TMEM114: variants seen among roughly 807,000 people sequenced by gnomAD.
TMEM114 encodes the protein claudin-26.
Under a neutral mutation model 6.2 loss-of-function variants are expected in TMEM114, and 6 were observed. The observed-to-expected ratio is 0.97, with a 90% confidence interval of 0.53 to 1.91. TMEM114 has a LOEUF of 1.91. Ranked by LOEUF, TMEM114 falls within the 40% of genes most tolerant of loss-of-function variation. TMEM114 has a pLI of 0.01. For missense variants in TMEM114, 218 were observed against 158.3 expected (o/e 1.38, Z -2.02); for synonymous variants, 104 against 73.0 (o/e 1.42, Z -2.16).
intron 2 of TMEM114, among the ~76,000 whole-genome samples, chr16:8,562,526 T>TGAGTGAGTGAGGGAATGAGTGAGTGAGTG (rs1465142445): frequency 7.9e-6 from 1 of 127,136 alleles, no homozygotes; most frequent in African/African-American, 3.0e-5. Flanking sequence ...ATGAGTGAGT[T>TGAGTGAGTGAGGGAATGAGTGAGTGAGTG]AATGAGTGAG....
chr16:8,566,897 G>GTTTTTTT (rs71150402), downstream of TMEM114, among the ~76,000 whole-genome samples: 1 of 98,316 alleles, frequency 1.0e-5, no homozygotes, highest in African/African-American at 4.1e-5. Context: ...CATCACCCTG[G>GTTTTTTT]TTTTTTTTTT....
downstream of TMEM114, among the ~76,000 whole-genome samples, chr16:8,568,964 AG>A (rs1342784753): frequency 6.6e-6 from 1 of 152,248 alleles, no homozygotes; most frequent in Non-Finnish European, 1.5e-5. Context: ...CTGGGCCAGA[AG>A]CCTCGGCATC....
intron 2 of TMEM114, among the ~76,000 whole-genome samples, chr16:8,548,773 TG>T (rs1900751967): frequency 6.6e-6 from 1 of 151,592 alleles, no homozygotes; most frequent in Non-Finnish European, 1.5e-5. Context: ...AATGACCATG[TG>T]AAATATTTCA....
chr16:8,585,179 A>G (rs1184167528), intron 2 of TMEM114, among the ~76,000 whole-genome samples: 1 of 152,176 alleles, frequency 6.6e-6, no homozygotes, highest in African/African-American at 2.4e-5. Flanking sequence ...CACTATCACA[A>G]GAACAGTATG....
chr16:8,535,651 G>C (rs1407618503), downstream of TMEM114, among the ~76,000 whole-genome samples: 6 of 152,198 alleles, frequency 3.9e-5, no homozygotes, highest in African/African-American at 9.7e-5. Flanking sequence ...GATCTTATGA[G>C]TTCTGTGATG....
chr16:8,589,283 C>T lies in TMEM114; in HGVS notation c.231G>A (p.Pro77=), dbSNP rs1474587092. 1.8e-5 allele frequency: 7 copies of T among 398,706 alleles called. No homozygotes were observed. Among genetic ancestry groups the T allele is most frequent in the African/African-American group, 1.0e-4 (5 of 48,648 alleles). The allele number at this position is 398,706 out of a possible 1,614,324, so 24.7% of individuals were successfully genotyped here. A position where few individuals can be genotyped will look rare whatever the true frequency, so the allele number is the denominator to read the frequency against. Residue 77 remains proline (P), a synonymous_variant, in exon 2 of 4, where the codon CCG becomes CCA. Coordinates refer to ENST00000620492, the MANE Select transcript of TMEM114 (RefSeq NM_001146336.2). ...TGAAGGGGTTCATCAGCGGTGTGCA[C>T]GGGCTCTGCACTGGATAGGACGGAG... The part of the protein sequence containing the change: ...GLWRTCRVQS[P]CTPLMNPFRL...
At chr16:8,562,616 G>T (rs367593904) in intron 2 of TMEM114, among the ~76,000 whole-genome samples, 1 of 145,978 alleles carries the variant, frequency 6.9e-6, no homozygotes, top group African/African-American at 2.5e-5. Context: ...GAGTGAATGA[G>T]TGAGTGAGTG....
chr16:8,561,102 C>T (rs1022952723), intron 2 of TMEM114, among the ~76,000 whole-genome samples: 61 of 152,186 alleles, frequency 4.0e-4, no homozygotes, highest in African/African-American at 1.4e-3. Context: ...TTATCTCGCA[C>T]AGGGTCCCTC....
intron 2 of TMEM114, among the ~76,000 whole-genome samples, chr16:8,550,544 G>T (rs899017758): frequency 1.3e-5 from 2 of 152,064 alleles, no homozygotes; most frequent in Non-Finnish European, 2.9e-5. Flanking sequence ...CTGGTGTGGT[G>T]GTGCATGCCT....
intron 2 of TMEM114, among the ~76,000 whole-genome samples, chr16:8,544,154 T>C (rs1199628465): frequency 6.6e-6 from 1 of 152,240 alleles, no homozygotes; most frequent in African/African-American, 2.4e-5. Flanking sequence ...GACTTATCAG[T>C]AGCAAGCAAC....
At chr16:8,536,039 A>T (rs1215459696), downstream of TMEM114, among the ~76,000 whole-genome samples, 1 of 152,130 alleles carries the variant, frequency 6.6e-6, no homozygotes, top group Non-Finnish European at 1.5e-5. Flanking sequence ...CAGCCTGTCC[A>T]ACGTTGTGAA....
At chr16:8,546,071 T>C (rs910142753) in intron 2 of TMEM114, among the ~76,000 whole-genome samples, 2 of 152,168 alleles carry the variant, frequency 1.3e-5, no homozygotes, top group Admixed American at 6.6e-5. Flanking sequence ...GCTATGATCA[T>C]GTCACTGCAC....
rs1263251456 is a variant in TMEM114, at chr16:8,561,912, ATGAGTAAGTGAATGAGTGAG to A, written n.213-24106_213-24087del. Reference sequence around the variant, plus strand: ...AGTGAATGAGTAAATGAGTGAATGAATGAGTAAGTGAATGAGTGAGTGAGTAAGTGAATGAGTGAATGAGG... The same window carrying A: ...AGTGAATGAGTAAATGAGTGAATGAATGAGTAAGTGAATGAGTGAATGAGG... On this transcript the variant is annotated intron_variant and non_coding_transcript_variant, in intron 2 of 2. Coordinates refer to the TMEM114 transcript ENST00000623677. 1.2e-4 allele frequency among the ~76,000 whole-genome samples: 17 copies of A among 136,242 alleles called. No homozygotes were observed. The East Asian group carries it at 1.7e-3, about 14-fold the overall frequency. The allele number at this position is 136,242 out of a possible 152,430, so 89.4% of individuals were successfully genotyped here. A position where few individuals can be genotyped will look rare whatever the true frequency, so the allele number is the denominator to read the frequency against.
rs1323463276 is a variant in TMEM114, at chr16:8,559,192, G to A, written n.213-21366C>T. On this transcript the variant is annotated intron_variant and non_coding_transcript_variant, in intron 2 of 2. Coordinates refer to the TMEM114 transcript ENST00000623677. ...TGGTTAGCTGGGACTATACGCATGCGCCACTACGCCCGGATAATTTTTGTA... is the reference window on the plus strand; with the variant it reads ...TGGTTAGCTGGGACTATACGCATGCACCACTACGCCCGGATAATTTTTGTA... Among the ~76,000 whole-genome samples, 4 of 151,736 alleles carry A rather than the reference G, an allele frequency of 2.6e-5. No individual in the cohort carries two copies. The South Asian group carries it at 6.2e-4, about 24-fold the overall frequency.
At chr16:8,577,032 C>T (rs1567209043) in intron 2 of TMEM114, among the ~76,000 whole-genome samples, 1 of 152,180 alleles carries the variant, frequency 6.6e-6, no homozygotes, top group Non-Finnish European at 1.5e-5. Context: ...TAAAGGAAAG[C>T]ATGGAGTATT....
intron 2 of TMEM114, among the ~76,000 whole-genome samples, chr16:8,549,758 G>A (rs754920505): frequency 1.3e-5 from 2 of 152,134 alleles, no homozygotes; most frequent in Non-Finnish European, 2.9e-5. Context: ...ATGATGAAGA[G>A]TAAGTAACAG....
At chr16:8,582,825 G>A (rs1902197447) in intron 2 of TMEM114, among the ~76,000 whole-genome samples, 1 of 152,120 alleles carries the variant, frequency 6.6e-6, no homozygotes, top group Non-Finnish European at 1.5e-5. Flanking sequence ...CTTGAACCCA[G>A]GAGGTGGAAG....
At chr16:8,560,441 C>T (rs1315834881) in intron 2 of TMEM114, among the ~76,000 whole-genome samples, 1 of 152,154 alleles carries the variant, frequency 6.6e-6, no homozygotes, top group Non-Finnish European at 1.5e-5. Flanking sequence ...CTCTAAAGTG[C>T]TTGGCCATGT....
chr16:8,558,007 A>G (rs1204071417), intron 2 of TMEM114, among the ~76,000 whole-genome samples: 5 of 152,134 alleles, frequency 3.3e-5, no homozygotes, highest in South Asian at 4.1e-4. Context: ...TAATCCCAGC[A>G]CTTTGGGAGG....
Sources: allele counts gnomAD v4.1 joint callset (sites outside exome capture counted in the v4.1 genomes callset), GRCh38; gene constraint gnomAD v4.1.1; transcripts MANE v1.5; gene names NCBI Gene and HGNC (gene_info 2026-07-23, HGNC 2026-07-21).